Variants in ZFAT observed in about 807,000 individuals in gnomAD.
The protein encoded by ZFAT is zinc finger protein ZFAT.
A neutral mutation model predicts 117.7 loss-of-function variants in ZFAT; 64 were observed. The observed-to-expected ratio is 0.54, with a 90% CI of 0.44 to 0.67. The LOEUF (loss-of-function observed/expected upper bound fraction) is 0.67. Ranked by LOEUF, ZFAT falls within the 30% of genes least tolerant of loss-of-function variation. The probability of loss-of-function intolerance (pLI) is 0.00; values close to 1 mark genes in which losing one functional copy is unlikely to be tolerated. For synonymous variants in ZFAT, 679 were observed against 615.0 expected, an observed-to-expected ratio of 1.10 and a Z score of -1.54; for missense variants, 1,433 against 1,584.5, an observed-to-expected ratio of 0.90 and a Z score of 1.62.
intron 5 of ZFAT, among the ~76,000 whole-genome samples, chr8:134,606,819 A>G (rs1827924775): frequency 6.6e-6 from 1 of 152,180 alleles, no homozygotes; most frequent in Admixed American, 6.5e-5. Context: ...ATGCTGAAAA[A>G]AAGGCTGGGA....
intron 1 of ZFAT, among the ~76,000 whole-genome samples, chr8:134,681,606 C>T: frequency 6.6e-6 from 1 of 152,174 alleles, no homozygotes; most frequent in East Asian, 1.9e-4. Flanking sequence ...ACTTCTTCTC[C>T]TTGATTAGTA....
chr8:134,817,313 C>T, the ZFAT span, among the ~76,000 whole-genome samples: 8 of 151,428 alleles, frequency 5.3e-5, no homozygotes, highest in African/African-American at 1.9e-4. Context: ...TCCTGCCTGC[C>T]AATTCTATGA....
rs1586787780 is a variant in ZFAT at position 134,600,154 on chromosome 8, C to T, written c.2475+282G>A. The T allele has an allele frequency of 6.4e-6, 3 of 469,820 alleles. No homozygotes were observed. The East Asian group carries it at 1.2e-4, about 19-fold the overall frequency. The allele number at this position is 469,820 out of a possible 1,614,324, so 29.1% of individuals were successfully genotyped here. On this transcript the variant is annotated intron_variant, in intron 7 of 15. Transcript: ENST00000377838. ...TGTCATTTGAGAAATTCTGACTTTACTTCTACTCTATAGATATCTCTTCTG... is the reference window on the plus strand; with the variant it reads ...TGTCATTTGAGAAATTCTGACTTTATTTCTACTCTATAGATATCTCTTCTG...
the ZFAT span, among the ~76,000 whole-genome samples, chr8:134,722,182 G>C: frequency 3.3e-4 from 50 of 152,340 alleles, no homozygotes; most frequent in African/African-American, 1.2e-3. Context: ...ATGGCAACGG[G>C]ACAGAGCCCA....
At chr8:134,819,658 C>A in the ZFAT span, among the ~76,000 whole-genome samples, 9 of 152,090 alleles carry the variant, frequency 5.9e-5, no homozygotes, top group Admixed American at 2.6e-4. Flanking sequence ...AATATTGGTG[C>A]TCTTCAGATC....
chr8:134,662,207 A>G (rs1034681533), intron 1 of ZFAT, among the ~76,000 whole-genome samples: 4 of 152,126 alleles, frequency 2.6e-5, no homozygotes, highest in African/African-American at 9.7e-5. Flanking sequence ...TATAACAGCA[A>G]TAATTCCATT....
chr8:134,753,949 T>A, the ZFAT span, among the ~76,000 whole-genome samples: 2 of 152,260 alleles, frequency 1.3e-5, no homozygotes, highest in Non-Finnish European at 1.5e-5. Context: ...CTGGCCTGTC[T>A]GCAGCACAGC....
At chr8:134,810,540 A>G in the ZFAT span, among the ~76,000 whole-genome samples, 2 of 152,206 alleles carry the variant, frequency 1.3e-5, no homozygotes, top group Admixed American at 1.3e-4. Flanking sequence ...TATCCTTCAT[A>G]AAGTCTGACT....
chr8:134,515,910 T>C (rs1190646506), intron 13 of ZFAT, among the ~76,000 whole-genome samples: 1 of 152,228 alleles, frequency 6.6e-6, no homozygotes, highest in Admixed American at 6.5e-5. Context: ...AGAACTACAA[T>C]GCTCCTGTCA....
the ZFAT span, among the ~76,000 whole-genome samples, chr8:134,753,659 T>A: frequency 6.6e-6 from 1 of 152,220 alleles, no homozygotes; most frequent in Non-Finnish European, 1.5e-5. Context: ...CAATAAATGC[T>A]TGTTGAGTAT....
chr8:134,505,444 T>A (rs1432800997), intron 15 of ZFAT, among the ~76,000 whole-genome samples: 2 of 152,208 alleles, frequency 1.3e-5, no homozygotes, highest in African/African-American at 4.8e-5. Flanking sequence ...CCTGTGAATA[T>A]GTTGCCTTAT....
chr8:134,747,374 G>A, the ZFAT span, among the ~76,000 whole-genome samples: 22 of 152,196 alleles, frequency 1.4e-4, no homozygotes, highest in Non-Finnish European at 2.6e-4. Flanking sequence ...ACAGGCATGA[G>A]CCACTGCACT....
At chr8:134,567,210 C>T (rs1177881974) in intron 10 of ZFAT, among the ~76,000 whole-genome samples, 2 of 152,188 alleles carry the variant, frequency 1.3e-5, no homozygotes, top group East Asian at 3.8e-4. Context: ...CCAGCCTTCC[C>T]AGTTTATCAT....
intron 7 of ZFAT, chr8:134,599,767 T>C: frequency 4.4e-6 from 2 of 456,088 alleles, no homozygotes; most frequent in South Asian, 1.6e-5. Context: ...CTTGAAGAAG[T>C]CTCAAATCAC....
chr8:134,482,625 T>C (rs1001290347), intron 15 of ZFAT, among the ~76,000 whole-genome samples: 22 of 152,240 alleles, frequency 1.4e-4, no homozygotes, highest in African/African-American at 4.8e-4. Context: ...ATTTATTTTG[T>C]TTTGCTTTTT....
In ZFAT at chr8:134,712,912, C is replaced by T; in HGVS notation, c.-49G>A. 4 of 1,487,834 alleles carry T rather than the reference C, an allele frequency of 2.7e-6. No homozygotes were observed. Among genetic ancestry groups the T allele is most frequent in the Non-Finnish European group, 3.6e-6 (4 of 1,120,742 alleles). 92.2% of individuals were successfully genotyped at this position (1,487,834 alleles called of 1,614,324 possible). On this transcript the variant is annotated 5_prime_UTR_variant, in exon 1 of 16. Coordinates refer to ENST00000377838, the MANE Select transcript of ZFAT (RefSeq NM_020863.4). ...AAAAAAGCCTCGGGCTCTTCCGGGC[C>T]CCCTCCCGTGCCGACCGAGGGGGCG...
At chr8:134,720,842 G>A in the ZFAT span, among the ~76,000 whole-genome samples, 45 of 152,178 alleles carry the variant, frequency 3.0e-4, no homozygotes, top group Non-Finnish European at 5.3e-4. Flanking sequence ...AAAATCAAAC[G>A]GAATAAAATA....
At chr8:134,574,229 TGGAAGCAC>T (rs1273455080) in intron 10 of ZFAT, among the ~76,000 whole-genome samples, 2 of 152,138 alleles carry the variant, frequency 1.3e-5, no homozygotes, top group Admixed American at 6.6e-5. Flanking sequence ...CAGCTGGATA[TGGAAGCAC>T]AAAGGCACCC....
intron 10 of ZFAT, among the ~76,000 whole-genome samples, chr8:134,571,016 A>C (rs989423080): frequency 6.6e-6 from 1 of 152,194 alleles, no homozygotes; most frequent in Non-Finnish European, 1.5e-5. Context: ...GATGAAGACA[A>C]TCTCCTGGCT....
Sources: allele counts gnomAD v4.1 joint callset (sites outside exome capture counted in the v4.1 genomes callset), GRCh38; gene constraint gnomAD v4.1.1; transcripts MANE v1.5; gene names NCBI Gene and HGNC (gene_info 2026-07-23, HGNC 2026-07-21).